CR1L: variants seen among roughly 807,000 people sequenced by gnomAD.
CR1L encodes complement component receptor 1-like protein.
CR1L carries 59 observed loss-of-function variants against 62.3 expected under a neutral mutation model. The observed-to-expected ratio is 0.95, with a 90% CI of 0.77 to 1.18. The LOEUF is 1.18. Ranked by LOEUF, CR1L falls within the 50% of genes most tolerant of loss-of-function variation. The pLI is 0.00. For synonymous variants in CR1L, 279 were observed against 248.7 expected, an observed-to-expected ratio of 1.12 and a Z score of -1.15; for missense variants, 700 against 702.8, an observed-to-expected ratio of 1.00 and a Z score of 0.04.
At chr1:207,658,216 A>T (rs536692307) in intron 1 of CR1L, among the ~76,000 whole-genome samples, 3 of 152,184 alleles carry the variant, frequency 2.0e-5, no homozygotes, top group African/African-American at 7.2e-5. Flanking sequence ...TTCCACCTTA[A>T]GAAACTAAAA....
At chr1:207,691,008 G>A (rs888877620) in intron 4 of CR1L, among the ~76,000 whole-genome samples, 3 of 152,222 alleles carry the variant, frequency 2.0e-5, no homozygotes, top group African/African-American at 7.2e-5. Flanking sequence ...ACAGGTTTCA[G>A]AGATTAGGTT....
rs377408625 is a variant in CR1L at position 207,666,218 on chromosome 1, G to C, written c.98-11171G>C. ...GACTCCTGTCTCTACCAAACTGTAC[G>C]TCCCAGATTCTTGTCTTAGGAGCCA... On this transcript the variant is annotated intron_variant, in intron 1 of 11. Coordinates refer to ENST00000508064, the MANE Select transcript of CR1L (RefSeq NM_175710.2). 2.6e-5 allele frequency among the ~76,000 whole-genome samples: 4 copies of C among 152,212 alleles called. No homozygotes were observed. In the East Asian group the frequency reaches 7.7e-4, roughly 29 times the overall value.
chr1:207,654,659 GCACT>G (rs1290579831), intron 1 of CR1L, among the ~76,000 whole-genome samples: 1 of 152,162 alleles, frequency 6.6e-6, no homozygotes, highest in African/African-American at 2.4e-5. Context: ...AACTCGTGTA[GCACT>G]CACTATGTGC....
At chr1:207,716,005 G>T (rs1230866992) in intron 10 of CR1L, among the ~76,000 whole-genome samples, 1 of 152,072 alleles carries the variant, frequency 6.6e-6, no homozygotes, top group Non-Finnish European at 1.5e-5. Context: ...AAATTCTTAT[G>T]TTCTTTTATC....
chr1:207,661,591 C>G (rs962317299), intron 1 of CR1L, among the ~76,000 whole-genome samples: 1 of 152,146 alleles, frequency 6.6e-6, no homozygotes, highest in African/African-American at 2.4e-5. Flanking sequence ...GGTCTTGACT[C>G]TTTATCCTAT....
intron 9 of CR1L, among the ~76,000 whole-genome samples, chr1:207,706,093 A>G (rs1664263823): frequency 6.6e-6 from 1 of 150,562 alleles, no homozygotes; most frequent in African/African-American, 2.4e-5. Context: ...AGAAGAGTTA[A>G]CCAAATTTTC....
intron 9 of CR1L, among the ~76,000 whole-genome samples, chr1:207,704,687 CT>C (rs1163028818): frequency 1.3e-5 from 2 of 152,206 alleles, no homozygotes; most frequent in Non-Finnish European, 2.9e-5. Flanking sequence ...AAGATTGTGA[CT>C]TATTGAAGGT....
chr1:207,674,146 C>A (rs1307471106), intron 1 of CR1L, among the ~76,000 whole-genome samples: 1 of 152,108 alleles, frequency 6.6e-6, no homozygotes, highest in African/African-American at 2.4e-5. Flanking sequence ...TCAAATCAAT[C>A]TGTAGTAAGA....
intron 8 of CR1L, 136 bp downstream of exon 8, chr1:207,699,410 G>A: frequency 9.2e-7 from 1 of 1,082,296 alleles, no homozygotes; most frequent in Non-Finnish European, 1.3e-6. Flanking sequence ...TTTTAGTAAT[G>A]TTTGGTTGTG....
intron 3 of CR1L, among the ~76,000 whole-genome samples, chr1:207,679,252 C>G (rs1016950579): frequency 6.6e-6 from 1 of 150,454 alleles, no homozygotes; most frequent in African/African-American, 2.5e-5. Context: ...ATCCGCCCAC[C>G]TCCCGGCCTC....
intron 1 of CR1L, 144 bp from the exon 2 acceptor site, chr1:207,677,245 C>A (rs1005174804): frequency 4.0e-6 from 3 of 757,966 alleles, no homozygotes; most frequent in Non-Finnish European, 5.6e-6. Context: ...ATTGCTTGAA[C>A]CTGTGAGGCA....
intron 9 of CR1L, 61 bp from the exon 10 acceptor site, chr1:207,708,117 A>T: frequency 6.3e-7 from 1 of 1,577,380 alleles, no homozygotes; most frequent in Non-Finnish European, 8.7e-7. Flanking sequence ...CCACATATGC[A>T]TGCTGTCAGG....
rs140221272 is a variant in CR1L, at chr1:207,708,480, T to C, written c.1414+217T>C. On this transcript the variant is annotated intron_variant, in intron 10 of 11. Coordinates refer to ENST00000508064, the MANE Select transcript of CR1L (RefSeq NM_175710.2). ...TCTTAAGGTGTAATTTATTTTAAACTAGTCTTGAGCTAATTTAAATAGCCC... is the reference window on the plus strand; with the variant it reads ...TCTTAAGGTGTAATTTATTTTAAACCAGTCTTGAGCTAATTTAAATAGCCC... Among the ~76,000 whole-genome samples, 848 of 152,370 alleles carry C rather than the reference T, an allele frequency of 5.6e-3. 8 individuals carry two copies. Among genetic ancestry groups the C allele is most frequent in the African/African-American group, 0.019 (793 of 41,582 alleles).
At chr1:207,682,563 G>A (rs1663817403) in intron 3 of CR1L, among the ~76,000 whole-genome samples, 1 of 152,124 alleles carries the variant, frequency 6.6e-6, no homozygotes, top group Non-Finnish European at 1.5e-5. Flanking sequence ...TCTGCAGAAG[G>A]ACCCACTGTT....
chr1:207,710,588 T>G (rs1364892299), intron 10 of CR1L: 67 of 1,610,086 alleles, frequency 4.2e-5, no homozygotes, highest in African/African-American at 5.3e-5. Flanking sequence ...AGTCCCTCAG[T>G]GCATTATACC....
chr1:207,694,162 T>C (rs192071620), intron 4 of CR1L, among the ~76,000 whole-genome samples, 191 bp from the exon 5 acceptor site: 35 of 152,298 alleles, frequency 2.3e-4, no homozygotes, highest in African/African-American at 7.5e-4. Flanking sequence ...GCAAATATTA[T>C]AGGAAATCAT....
intron 1 of CR1L, among the ~76,000 whole-genome samples, chr1:207,650,542 T>C (rs1326752360): frequency 6.8e-6 from 1 of 146,220 alleles, no homozygotes; most frequent in African/African-American, 2.8e-5. Context: ...AAGTGAGAAA[T>C]AAAATTGAAA....
At chr1:207,677,307 CAAAAAAAAAAAAAAAAA>C (rs57151160) in intron 1 of CR1L, 65 bp from the exon 2 acceptor site, 33 of 506,352 alleles carry the variant, frequency 6.5e-5, no homozygotes, top group African/African-American at 5.3e-4. Context: ...GACTCTGTCA[CAAAAAAAAAAAAAAAAA>C]AAAAAAAAAA....
At chr1:207,710,701 C>CT (rs1664341511) in intron 10 of CR1L, 2 of 1,609,956 alleles carry the variant, frequency 1.2e-6, no homozygotes, top group African/African-American at 1.3e-5. Flanking sequence ...GTCAGCCTGG[C>CT]TTTGTCATGA....
Sources: allele counts gnomAD v4.1 joint callset (sites outside exome capture counted in the v4.1 genomes callset), GRCh38; gene constraint gnomAD v4.1.1; transcripts MANE v1.5; gene names NCBI Gene and HGNC (gene_info 2026-07-23, HGNC 2026-07-21).